The following USP32 variants were observed in gnomAD, a reference collection of about 807,000 sequenced individuals.
USP32 encodes ubiquitin carboxyl-terminal hydrolase 32.
Under a neutral mutation model 204.8 loss-of-function variants are expected in USP32, and 59 were observed. The observed-to-expected ratio is 0.29, with a 90% CI of 0.23 to 0.36. The LOEUF is 0.36. Ranked by LOEUF, USP32 falls within the 10% of genes least tolerant of loss-of-function variation. The pLI is 1.00. For synonymous variants in USP32, 517 were observed against 678.4 expected, an observed-to-expected ratio of 0.76 and a Z score of 3.70; for missense variants, 1,160 against 1,946.4, an observed-to-expected ratio of 0.60 and a Z score of 7.60.
At chr17:60,351,105 G>A (rs1359093002) in intron 1 of USP32, among the ~76,000 whole-genome samples, 1 of 151,910 alleles carries the variant, frequency 6.6e-6, no homozygotes, top group African/African-American at 2.4e-5. Context: ...AGAAATGGAT[G>A]GTACCAATTA....
intron 1 of USP32, among the ~76,000 whole-genome samples, chr17:60,418,408 T>TG (rs1432799326): frequency 6.6e-6 from 1 of 151,480 alleles, no homozygotes; most frequent in African/African-American, 2.4e-5. Context: ...TTTTTTTTTT[T>TG]TTTTTTTTAC....
chr17:60,363,511 C>CT (rs2089253804), intron 1 of USP32, among the ~76,000 whole-genome samples: 1 of 147,072 alleles, frequency 6.8e-6, no homozygotes, highest in Admixed American at 6.7e-5. Flanking sequence ...GAGCAAGACT[C>CT]TGTCTCAAAA....
intron 11 of USP32, among the ~76,000 whole-genome samples, chr17:60,251,774 C>A (rs2086176088): frequency 6.6e-6 from 1 of 151,832 alleles, no homozygotes; most frequent in Admixed American, 6.6e-5. Flanking sequence ...ATTTTATTAA[C>A]AAAATTGGTC....
intron 1 of USP32, among the ~76,000 whole-genome samples, chr17:60,420,610 T>C (rs2090103852): frequency 6.6e-6 from 1 of 152,148 alleles, no homozygotes; most frequent in African/African-American, 2.4e-5. Context: ...GAAGTTGCAG[T>C]GAGCCGAGAT....
At chr17:60,400,847 C>G (rs2089929627) in intron 1 of USP32, among the ~76,000 whole-genome samples, 1 of 151,986 alleles carries the variant, frequency 6.6e-6, no homozygotes, top group African/African-American at 2.4e-5. Context: ...ATTGGTAGAC[C>G]TAGTCTCTAC....
At chr17:60,210,889 A>G (rs2084946383) in intron 21 of USP32, 124 bp downstream of exon 21, 8 of 1,426,560 alleles carry the variant, frequency 5.6e-6, no homozygotes, top group Non-Finnish European at 7.4e-6. Flanking sequence ...CCTTTTGTTT[A>G]TACCAAGTGA....
chr17:60,415,055 T>A lies in USP32; in HGVS notation c.106+7191A>T, dbSNP rs555563084. The stretch of plus-strand genomic sequence containing the variant: ...TCAGTCCTCTGTTTATAGTCCTCTA[T>A]AAAGAAAATAAATTTTTCGTTATTT... On this transcript the variant is annotated intron_variant, in intron 1 of 3. Coordinates refer to the USP32 transcript ENST00000588898. Among the ~76,000 whole-genome samples, 252 of 152,258 alleles carry A rather than the reference T, an allele frequency of 1.7e-3. 1 individual carries two copies. The highest frequency in any genetic ancestry group is 6.0e-3 in the African/African-American group (248 of 41,548).
intron 11 of USP32, among the ~76,000 whole-genome samples, chr17:60,243,522 T>G (rs1252133524): frequency 6.6e-6 from 1 of 152,196 alleles, no homozygotes; most frequent in Non-Finnish European, 1.5e-5. Flanking sequence ...GAATTTCCCT[T>G]CCCCAAAGTT....
At chr17:60,391,342 C>T (rs2089829970) in intron 1 of USP32, among the ~76,000 whole-genome samples, 1 of 152,166 alleles carries the variant, frequency 6.6e-6, no homozygotes. Flanking sequence ...GTGGCAGAAG[C>T]GGATGGCCAC....
chr17:60,404,729 A>G (rs1482474928), intron 1 of USP32, among the ~76,000 whole-genome samples: 1 of 152,222 alleles, frequency 6.6e-6, no homozygotes, highest in Non-Finnish European at 1.5e-5. Flanking sequence ...TTGTGTTCCC[A>G]GAGTTCAAAT....
At chr17:60,188,067 A>T (rs1308573305) in intron 29 of USP32, among the ~76,000 whole-genome samples, 1 of 151,842 alleles carries the variant, frequency 6.6e-6, no homozygotes, top group African/African-American at 2.4e-5. Flanking sequence ...TGCAGCCTTG[A>T]TCTCTTGGGT....
intron 1 of USP32, chr17:60,422,155 A>G: frequency 3.4e-6 from 1 of 290,916 alleles, no homozygotes; most frequent in Non-Finnish European, 6.1e-6. Context: ...AATTTTACAA[A>G]CTGTGCTTTC....
At chr17:60,411,072 T>C (rs1338215005) in intron 1 of USP32, among the ~76,000 whole-genome samples, 2 of 151,842 alleles carry the variant, frequency 1.3e-5, no homozygotes, top group Non-Finnish European at 2.9e-5. Context: ...CTCACACCTG[T>C]AATCTCAGCA....
intron 9 of USP32, chr17:60,256,938 T>C: frequency 2.8e-6 from 1 of 359,656 alleles, no homozygotes; most frequent in South Asian, 2.4e-5. Flanking sequence ...CGTGATTTCA[T>C]CATTCTAAGA....
At chr17:60,334,691 C>A (rs1186954644) in intron 2 of USP32, among the ~76,000 whole-genome samples, 3 of 139,178 alleles carry the variant, frequency 2.2e-5, no homozygotes, top group African/African-American at 6.3e-5. Flanking sequence ...GACTCCGTCT[C>A]AAAAAAAAAG....
intron 30 of USP32, among the ~76,000 whole-genome samples, chr17:60,184,302 GAGAC>G (rs1171383021): frequency 1.4e-5 from 2 of 141,720 alleles, no homozygotes; most frequent in Non-Finnish European, 3.0e-5. Flanking sequence ...GCGACAGAGT[GAGAC>G]TCCGTCTCAA....
At chr17:60,357,326 G>A (rs8079457) in intron 1 of USP32, among the ~76,000 whole-genome samples, 6,756 of 151,854 alleles carry the variant, frequency 0.044, 543 homozygotes, top group African/African-American at 0.15. Context: ...GGTGATACAC[G>A]CCTATGGTTC....
At chr17:60,336,200 C>T (rs929447334) in intron 2 of USP32, among the ~76,000 whole-genome samples, 1 of 143,038 alleles carries the variant, frequency 7.0e-6, no homozygotes, top group Non-Finnish European at 1.5e-5. Flanking sequence ...AGTCCCATTA[C>T]GCTTAACTAT....
At chr17:60,187,863 T>C (rs138700863) in intron 29 of USP32, among the ~76,000 whole-genome samples, 81 of 152,366 alleles carry the variant, frequency 5.3e-4, no homozygotes, top group African/African-American at 1.8e-3. Context: ...TTTTCAAAGT[T>C]ACTTTAAAGC....
Sources: gnomAD v4.1 joint callset for allele counts (sites outside exome capture counted in the v4.1 genomes callset) on GRCh38, gnomAD v4.1.1 for gene constraint, MANE v1.5 for transcripts, NCBI Gene and HGNC (gene_info 2026-07-23, HGNC 2026-07-21) for gene names.